CLCN6: variants seen among roughly 807,000 people sequenced by gnomAD.
CLCN6 encodes H(+)/Cl(-) exchange transporter 6.
CLCN6 carries 70 observed loss-of-function variants against 109.8 expected under a neutral mutation model. The observed-to-expected ratio is 0.64, with a 90% confidence interval of 0.53 to 0.78. The LOEUF (loss-of-function observed/expected upper bound fraction) is 0.78. Ranked by LOEUF, CLCN6 falls within the 30% of genes least tolerant of loss-of-function variation. The probability of loss-of-function intolerance (pLI) is 0.00; values close to 1 mark genes in which losing one functional copy is unlikely to be tolerated. For synonymous variants in CLCN6, 444 were observed against 447.8 expected (o/e 0.99, Z 0.11); for missense variants, 984 against 1,142.3 (o/e 0.86, Z 2.00).
chr1:11,817,656 A>T (rs1234612226), intron 4 of CLCN6, among the ~76,000 whole-genome samples: 1 of 152,224 alleles, frequency 6.6e-6, no homozygotes, highest in Non-Finnish European at 1.5e-5. Context: ...CGGTCAGTAC[A>T]GTGTTGGGAT....
In CLCN6 at chr1:11,823,814, G is replaced by A. The variant is rs1202732658; in HGVS notation, c.561G>A (p.Val187=). 1 of 1,614,272 alleles carries A rather than the reference G, an allele frequency of 6.2e-7. No homozygotes were observed. The highest frequency in any genetic ancestry group is 1.3e-5 in the African/African-American group (1 of 75,078). The stretch of plus-strand genomic sequence containing the variant: ...CCCTGCTCTGCAAGGTCCTTGGAGT[G>A]CTGTTCAGTGTGGCTGGAGGTAAGA... ...LRTLLCKVLG[V]LFSVAGGLFV... Residue 187 remains valine, a synonymous_variant, in exon 7 of 23, where the codon GTG becomes GTA. Transcript: ENST00000346436.
At chr1:11,818,878 C>G (rs1286888183) in intron 4 of CLCN6, among the ~76,000 whole-genome samples, 2 of 152,046 alleles carry the variant, frequency 1.3e-5, no homozygotes, top group African/African-American at 4.8e-5. Flanking sequence ...CAAGGCCAGC[C>G]TAGGCAATAT....
rs778690842 is a variant in CLCN6, at chr1:11,833,489, C to G, written c.1249-26C>G. On this transcript the variant is annotated intron_variant, in intron 13 of 22. Transcript: ENST00000346436. The stretch of plus-strand genomic sequence containing the variant: ...AGACTCAAAGTCAGGTGTCCTTGTA[C>G]TGATTTTCTGATTCCTTCTTCTCAG... 3 of 1,612,312 alleles carry G rather than the reference C, an allele frequency of 1.9e-6. No homozygotes were observed. The Admixed American group carries it at 5.0e-5, about 27-fold the overall frequency.
chr1:11,838,768 G>A (rs1469599770), intron 22 of CLCN6, 108 bp downstream of exon 22: 1 of 1,505,026 alleles, frequency 6.6e-7, no homozygotes. Flanking sequence ...CCACCAGGAG[G>A]GGAGAGTGTG....
rs1170320102 is a variant in CLCN6 at position 11,842,912 on chromosome 1, T to A, written c.*2689T>A. On this transcript the variant is annotated 3_prime_UTR_variant, in exon 23 of 23. Transcript: ENST00000346436. ...CCTCGCCAGCCCTGCAGTATTGATGTGCAGTATTGCACCACAGCTCTGCGG... is the reference window on the plus strand; with the variant it reads ...CCTCGCCAGCCCTGCAGTATTGATGAGCAGTATTGCACCACAGCTCTGCGG... 6.6e-6 allele frequency: 1 copy of A among 152,304 alleles called. No individual in the cohort carries two copies. 9.4% of individuals were successfully genotyped at this position (152,304 alleles called of 1,614,324 possible).
Position 11,819,949 on chromosome 1 carries a change from G to A in CLCN6, c.346+395G>A, listed in dbSNP as rs915800395. On this transcript the variant is annotated intron_variant, in intron 5 of 22. Transcript: ENST00000346436. ...TGGACTTGACCCTGTCAGATATCAA[G>A]TCTTATAAAATTAACAAGTTTGGGG... is the stretch of plus-strand genomic sequence containing the variant. 3.3e-5 allele frequency among the ~76,000 whole-genome samples: 5 copies of A among 152,062 alleles called. 1 individual carries two copies. Among genetic ancestry groups the A allele is most frequent in the Non-Finnish European group, 5.9e-5 (4 of 68,008 alleles).
At chr1:11,833,482 C>A in intron 13 of CLCN6, 33 bp from the exon 14 acceptor site, 1 of 1,610,812 alleles carries the variant, frequency 6.2e-7, no homozygotes. Context: ...AGTCAGGTGT[C>A]CTTGTACTGA....
rs753247770 is a variant in CLCN6 at position 11,838,532 on chromosome 1, C to T, written c.2404-3C>T. On this transcript the variant is annotated splice_polypyrimidine_tract_variant and splice_region_variant and intron_variant, in intron 21 of 22. Transcript: ENST00000346436. ...CAGTCAGTGACACGTGGTCTCTTTG[C>T]AGGATGTCACCCCATACATGAACCC... The T allele has an allele frequency of 2.5e-6, 4 of 1,607,282 alleles. No individual in the cohort carries two copies. The African/African-American group carries it at 5.3e-5, about 21-fold the overall frequency.
chr1:11,839,075 T>C, intron 22 of CLCN6: 1 of 594,212 alleles, frequency 1.7e-6, no homozygotes, highest in Non-Finnish European at 3.0e-6. Context: ...CCTTTTTTCT[T>C]CTTTTTAGAA....
chr1:11,819,009 C>G (rs76148073), intron 4 of CLCN6, among the ~76,000 whole-genome samples: 5,647 of 152,322 alleles, frequency 0.037, 154 homozygotes, highest in Middle Eastern at 0.078. Context: ...TGTTTTAAAG[C>G]AAGCTTGTCC....
chr1:11,825,872 C>T (rs969414258), intron 8 of CLCN6, among the ~76,000 whole-genome samples: 38 of 152,162 alleles, frequency 2.5e-4, no homozygotes, highest in African/African-American at 6.8e-4. Context: ...ATCAGCCGTC[C>T]GCCTCGGCCT....
chr1:11,811,582 A>G (rs1158374729), intron 2 of CLCN6, among the ~76,000 whole-genome samples: 1 of 152,126 alleles, frequency 6.6e-6, no homozygotes, highest in African/African-American at 2.4e-5. Flanking sequence ...AGGCTTCTCC[A>G]TGTTGGTCAG....
At chr1:11,835,815 G>A in intron 17 of CLCN6, 152 bp from the exon 18 acceptor site, 1 of 613,468 alleles carries the variant, frequency 1.6e-6, no homozygotes, top group Admixed American at 3.0e-5. Context: ...GAAGTACAAA[G>A]GAATGCATCG....
chr1:11,839,340 C>G (rs1444894473), intron 22 of CLCN6, among the ~76,000 whole-genome samples: 1 of 152,228 alleles, frequency 6.6e-6, no homozygotes, highest in African/African-American at 2.4e-5. Context: ...CGGCTCACTG[C>G]AGCCTCGACC....
intron 5 of CLCN6, among the ~76,000 whole-genome samples, chr1:11,821,073 T>TAAAAAAAAAAA (rs1216520509): frequency 2.1e-4 from 26 of 123,126 alleles, no homozygotes; most frequent in Non-Finnish European, 3.6e-4. Context: ...CAAAACTGTC[T>TAAAAAAAAAAA]CAAAAAACAA....
At chr1:11,811,901 A>C (rs534089151) in intron 2 of CLCN6, among the ~76,000 whole-genome samples, 1 of 152,118 alleles carries the variant, frequency 6.6e-6, no homozygotes, top group African/African-American at 2.4e-5. Flanking sequence ...AGTAATTTCC[A>C]TACATATTTT....
chr1:11,838,199 A>C, intron 20 of CLCN6, 136 bp from the exon 21 acceptor site: 1 of 766,204 alleles, frequency 1.3e-6, no homozygotes, highest in Non-Finnish European at 2.2e-6. Flanking sequence ...CTCACTCTGG[A>C]GCGCTTGCTG....
chr1:11,819,564 T>C lies in CLCN6; in HGVS notation c.346+10T>C. 12 of 1,613,642 alleles carry C rather than the reference T, an allele frequency of 7.4e-6. No individual in the cohort carries two copies. Among genetic ancestry groups the C allele is most frequent in the Non-Finnish European group, 8.5e-6 (10 of 1,179,552 alleles). ...GGAGTGGTACAGACATGTATCCTTT[T>C]CACGGTTCCTGGTGTTCGTGGACTT... On this transcript the variant is annotated intron_variant, in intron 5 of 22. Transcript: ENST00000346436.
intron 5 of CLCN6, among the ~76,000 whole-genome samples, chr1:11,821,283 C>T (rs1468816058): frequency 1.3e-5 from 2 of 151,648 alleles, no homozygotes; most frequent in Non-Finnish European, 2.9e-5. Flanking sequence ...AGAGGCTGGG[C>T]GCGGTGGCTG....
Sources: gnomAD v4.1 joint callset for allele counts (sites outside exome capture counted in the v4.1 genomes callset) on GRCh38, gnomAD v4.1.1 for gene constraint, MANE v1.5 for transcripts, NCBI Gene and HGNC (gene_info 2026-07-23, HGNC 2026-07-21) for gene names.